MGLL: variants seen among roughly 807,000 people sequenced by gnomAD.
MGLL encodes the protein lysophospholipase homolog.
A neutral mutation model predicts 29.1 loss-of-function variants in MGLL; 7 were observed. That is an observed-to-expected ratio of 0.24 (90% CI 0.14 to 0.45). MGLL has a LOEUF of 0.45. Ranked by LOEUF, MGLL falls within the 20% of genes least tolerant of loss-of-function variation. The pLI is 0.99. For synonymous variants in MGLL, 148 were observed against 168.3 expected (o/e 0.88, Z 0.93); for missense variants, 356 against 413.6 (o/e 0.86, Z 1.21).
intron 3 of MGLL, among the ~76,000 whole-genome samples, chr3:127,764,619 G>A (rs1446649272): frequency 1.3e-5 from 2 of 152,126 alleles, no homozygotes; most frequent in African/African-American, 2.4e-5. Context: ...GCTTTGCATC[G>A]ATAATCAGGC....
chr3:127,775,054 A>G (rs942478583), intron 3 of MGLL, among the ~76,000 whole-genome samples: 3 of 152,282 alleles, frequency 2.0e-5, no homozygotes, highest in African/African-American at 2.4e-5. Context: ...GCTTTCATCA[A>G]AGGTAGAGCA....
At chr3:127,713,878 C>A (rs779059512) in intron 5 of MGLL, 2 of 152,200 alleles carry the variant, frequency 1.3e-5, no homozygotes, top group Admixed American at 6.5e-5. Flanking sequence ...AGGCTGTTGG[C>A]GCCTCAAGGA....
At chr3:127,707,081 T>G (rs996302955) in intron 6 of MGLL, among the ~76,000 whole-genome samples, 12 of 152,120 alleles carry the variant, frequency 7.9e-5, no homozygotes, top group African/African-American at 2.7e-4. Context: ...TGCTCAGAAC[T>G]CAGCATATGG....
At position 127,692,522 on chromosome 3, in the gene MGLL, AGT is replaced by A. The variant is rs1300404113; in HGVS notation, c.817-201_817-200del. On this transcript the variant is annotated intron_variant, in intron 7 of 7. Coordinates refer to ENST00000265052, the MANE Select transcript of MGLL (RefSeq NM_007283.7). ...TGGTTCAAATGTGTTACAATGTCCC[AGT>A]GTGTTCTCGAACTTCCTTTCTCAAA... is the stretch of plus-strand genomic sequence containing the variant. 9.9e-5 allele frequency among the ~76,000 whole-genome samples: 15 copies of A among 152,192 alleles called. 1 individual carries two copies. Among genetic ancestry groups the A allele is most frequent in the Admixed American group, 9.8e-4 (15 of 15,280 alleles).
intron 3 of MGLL, among the ~76,000 whole-genome samples, chr3:127,775,315 AC>A (rs1413525442): frequency 6.6e-6 from 1 of 152,218 alleles, no homozygotes; most frequent in Non-Finnish European, 1.5e-5. Context: ...AAAACGGTTA[AC>A]ACATTTTTCA....
At chr3:127,737,630 C>CCTTTTTTTTTTTTTT (rs2076264165) in intron 3 of MGLL, among the ~76,000 whole-genome samples, 1 of 68,610 alleles carries the variant, frequency 1.5e-5, no homozygotes, top group Non-Finnish European at 2.4e-5. Context: ...TCAACTGCTT[C>CCTTTTTTTTTTTTTT]TTTTTTTTTT....
intron 3 of MGLL, among the ~76,000 whole-genome samples, chr3:127,755,071 G>A (rs964186095): frequency 1.9e-4 from 29 of 152,226 alleles, no homozygotes; most frequent in African/African-American, 6.7e-4. Flanking sequence ...TGGCATCCCC[G>A]GGGGAAAGGT....
chr3:127,772,081 G>A (rs796844274), intron 3 of MGLL, among the ~76,000 whole-genome samples: 8 of 152,284 alleles, frequency 5.3e-5, no homozygotes, highest in African/African-American at 1.4e-4. Flanking sequence ...GAAAACCTGC[G>A]TTTATCAAAC....
chr3:127,779,375 A>T (rs1000141135), intron 3 of MGLL, among the ~76,000 whole-genome samples: 1 of 152,200 alleles, frequency 6.6e-6, no homozygotes, highest in Non-Finnish European at 1.5e-5. Context: ...TCAAAAAAAT[A>T]AAAAGTAAAA....
At chr3:127,721,826 C>G (rs926127914) in intron 4 of MGLL, among the ~76,000 whole-genome samples, 2 of 150,944 alleles carry the variant, frequency 1.3e-5, no homozygotes, top group South Asian at 4.2e-4. Context: ...CAAATTCAAG[C>G]AGTTCAATAT....
chr3:127,720,445 C>T lies in MGLL; in HGVS notation c.510+608G>A, dbSNP rs542283940. ...AGGCCACTGGTTTCATCTCCTTTCT[C>T]GGGGAGAGAAGGTGCCTGCTCCACC... is the stretch of plus-strand genomic sequence containing the variant. On this transcript the variant is annotated intron_variant, in intron 5 of 7. Coordinates refer to ENST00000265052, the MANE Select transcript of MGLL (RefSeq NM_007283.7). Among the ~76,000 whole-genome samples, 9 of 152,314 alleles carry T rather than the reference C, an allele frequency of 5.9e-5. No homozygotes were observed. In the South Asian group the frequency reaches 1.7e-3, roughly 28 times the overall value.
intron 1 of MGLL, 84 bp downstream of exon 1, chr3:127,822,219 CCAAGGA>C (rs1364658332): frequency 5.5e-6 from 8 of 1,449,012 alleles, no homozygotes; most frequent in Non-Finnish European, 7.8e-6. Context: ...CTTAAAATCT[CCAAGGA>C]ACAGTTTCAA....
intron 3 of MGLL, among the ~76,000 whole-genome samples, chr3:127,726,361 T>C (rs1329951797): frequency 3.3e-5 from 5 of 150,318 alleles, no homozygotes; most frequent in Non-Finnish European, 7.4e-5. Flanking sequence ...AGGAAAAGAA[T>C]GAAAGAAAGA....
intron 5 of MGLL, among the ~76,000 whole-genome samples, chr3:127,716,282 C>T (rs766626621): frequency 2.0e-5 from 3 of 152,242 alleles, no homozygotes; most frequent in East Asian, 1.9e-4. Context: ...AGTTTCTTCA[C>T]CTGTAAGACA....
chr3:127,763,356 G>A (rs947949537), intron 3 of MGLL, among the ~76,000 whole-genome samples: 5 of 152,218 alleles, frequency 3.3e-5, no homozygotes, highest in Non-Finnish European at 7.3e-5. Flanking sequence ...AGTGATGTCT[G>A]TTTTCTTCTC....
At chr3:127,811,893 C>A (rs567366861) in intron 2 of MGLL, among the ~76,000 whole-genome samples, 1 of 152,354 alleles carries the variant, frequency 6.6e-6, no homozygotes, top group African/African-American at 2.4e-5. Flanking sequence ...CATGCAGGAG[C>A]CCAGCTGGGA....
chr3:127,801,854 A>C (rs1416440468), intron 2 of MGLL, among the ~76,000 whole-genome samples: 1 of 151,132 alleles, frequency 6.6e-6, no homozygotes, highest in African/African-American at 2.4e-5. Context: ...GAAAGGATGA[A>C]GCCCTATGAA....
chr3:127,805,749 T>C (rs1207850163), intron 2 of MGLL, among the ~76,000 whole-genome samples: 1 of 152,230 alleles, frequency 6.6e-6, no homozygotes, highest in Non-Finnish European at 1.5e-5. Context: ...AGCATGTAGC[T>C]GACACTGTCT....
intron 6 of MGLL, among the ~76,000 whole-genome samples, chr3:127,699,004 C>T (rs1194561228): frequency 6.6e-6 from 1 of 152,232 alleles, no homozygotes; most frequent in Non-Finnish European, 1.5e-5. Context: ...CTCTAGATAA[C>T]TGATTTCCTG....
Sources: gnomAD v4.1 joint callset for allele counts (sites outside exome capture counted in the v4.1 genomes callset) on GRCh38, gnomAD v4.1.1 for gene constraint, MANE v1.5 for transcripts, NCBI Gene and HGNC (gene_info 2026-07-23, HGNC 2026-07-21) for gene names.